CLSTN2: variants seen among roughly 807,000 people sequenced by gnomAD.
CLSTN2 encodes calsyntenin 2, also known as calsyntenin-2.
In CLSTN2, 48 loss-of-function variants were observed where a neutral mutation model predicts 101.2. The ratio of observed to expected loss-of-function variants is 0.47; its 90% CI spans 0.38 to 0.60. The LOEUF (loss-of-function observed/expected upper bound fraction) is 0.60, where lower values mean the gene tolerates loss of function less well. Ranked by LOEUF, CLSTN2 falls within the 20% of genes least tolerant of loss-of-function variation. The probability of loss-of-function intolerance (pLI) is 0.00; values close to 1 mark genes in which losing one functional copy is unlikely to be tolerated. For synonymous variants in CLSTN2, 481 were observed against 463.6 expected, an observed-to-expected ratio of 1.04 and a Z score of -0.48; for missense variants, 1,160 against 1,238.2, an observed-to-expected ratio of 0.94 and a Z score of 0.95.
chr3:140,546,323 G>A (rs149812390), intron 9 of CLSTN2, among the ~76,000 whole-genome samples, 192 bp from the exon 10 acceptor site: 2 of 152,206 alleles, frequency 1.3e-5, no homozygotes, highest in South Asian at 2.1e-4. Flanking sequence ...GTGCAGCCAG[G>A]GAATGCCAGG....
At chr3:140,378,364 G>T (rs2087942912) in intron 2 of CLSTN2, among the ~76,000 whole-genome samples, 1 of 152,192 alleles carries the variant, frequency 6.6e-6, no homozygotes, top group South Asian at 2.1e-4. Context: ...TAGAGTAAGG[G>T]AACTAATATC....
At chr3:140,173,346 T>C in intron 1 of CLSTN2, among the ~76,000 whole-genome samples, 1 of 152,206 alleles carries the variant, frequency 6.6e-6, no homozygotes, top group East Asian at 1.9e-4. Context: ...TAGGTTCCCA[T>C]GGTCTCGGGA....
At chr3:140,385,357 CTTTTTTTTTTTTTT>C (rs546696189) in intron 2 of CLSTN2, among the ~76,000 whole-genome samples, 4 of 72,838 alleles carry the variant, frequency 5.5e-5, no homozygotes, top group East Asian at 4.6e-4. Context: ...CCCTGATGTT[CTTTTTTTTTTTTTT>C]TTTTTTTTTT....
intron 8 of CLSTN2, among the ~76,000 whole-genome samples, chr3:140,482,945 A>T (rs1934152165): frequency 2.0e-5 from 3 of 151,806 alleles, no homozygotes; most frequent in South Asian, 4.2e-4. Flanking sequence ...TATTTCCTTC[A>T]GTTCTGCTCT....
intron 1 of CLSTN2, among the ~76,000 whole-genome samples, chr3:140,016,793 GAAAAA>G (rs56040791): frequency 1.1e-5 from 1 of 89,284 alleles, no homozygotes; most frequent in African/African-American, 4.6e-5. Flanking sequence ...GTGAGACTCT[GAAAAA>G]AAAAAAAAAA....
At chr3:140,133,381 G>A (rs906674002) in intron 1 of CLSTN2, among the ~76,000 whole-genome samples, 1 of 152,178 alleles carries the variant, frequency 6.6e-6, no homozygotes, top group Non-Finnish European at 1.5e-5. Flanking sequence ...AACCATATCA[G>A]CATCTCCTTA....
chr3:140,287,629 GT>G (rs900560134), intron 2 of CLSTN2, among the ~76,000 whole-genome samples: 119 of 152,048 alleles, frequency 7.8e-4, no homozygotes, highest in African/African-American at 2.7e-3. Flanking sequence ...AAAAAACATA[GT>G]TTTTTTTCCT....
chr3:140,527,261 G>C (rs1243538668), intron 8 of CLSTN2, among the ~76,000 whole-genome samples: 1 of 151,960 alleles, frequency 6.6e-6, no homozygotes, highest in Non-Finnish European at 1.5e-5. Flanking sequence ...TTAAAAATGG[G>C]CAAAGGATAT....
chr3:140,419,431 C>T (rs1229937169), intron 4 of CLSTN2, among the ~76,000 whole-genome samples: 1 of 135,128 alleles, frequency 7.4e-6, no homozygotes, highest in Non-Finnish European at 1.5e-5. Context: ...TGCAGGGAGC[C>T]GAGATCATGC....
intron 8 of CLSTN2, among the ~76,000 whole-genome samples, chr3:140,498,038 C>T (rs1416423556): frequency 6.6e-6 from 1 of 152,168 alleles, no homozygotes; most frequent in Non-Finnish European, 1.5e-5. Context: ...AATGCGAGAA[C>T]CTAGATATTT....
At chr3:140,083,062 A>T (rs2008625180) in intron 1 of CLSTN2, among the ~76,000 whole-genome samples, 1 of 152,160 alleles carries the variant, frequency 6.6e-6, no homozygotes, top group Non-Finnish European at 1.5e-5. Context: ...CTTAGCTGAC[A>T]TGTTACTTCC....
intron 5 of CLSTN2, among the ~76,000 whole-genome samples, chr3:140,426,947 G>T (rs1235893509): frequency 1.3e-5 from 2 of 151,970 alleles, no homozygotes; most frequent in Non-Finnish European, 2.9e-5. Flanking sequence ...GGCCGAGGCG[G>T]GTGGATCACT....
intron 2 of CLSTN2, among the ~76,000 whole-genome samples, chr3:140,237,610 T>C (rs1413315979): frequency 1.3e-5 from 2 of 152,210 alleles, no homozygotes; most frequent in African/African-American, 4.8e-5. Context: ...TACTCTCTCC[T>C]GGTACTGCAG....
chr3:139,958,490 G>A (rs1263591654), intron 1 of CLSTN2, among the ~76,000 whole-genome samples: 1 of 152,118 alleles, frequency 6.6e-6, no homozygotes, highest in African/African-American at 2.4e-5. Context: ...ATCCATTATA[G>A]AATTTGGTAG....
intron 1 of CLSTN2, among the ~76,000 whole-genome samples, chr3:140,048,737 C>T (rs918751471): frequency 2.2e-4 from 33 of 152,150 alleles, no homozygotes; most frequent in Admixed American, 2.0e-4. Flanking sequence ...TGTTAAAAGC[C>T]TCAGGGCAAG....
At chr3:140,482,811 C>T (rs1055085069) in intron 8 of CLSTN2, among the ~76,000 whole-genome samples, 11 of 152,014 alleles carry the variant, frequency 7.2e-5, no homozygotes, top group South Asian at 2.1e-4. Flanking sequence ...TTTTTCATTG[C>T]GTCTATTTGA....
chr3:140,021,200 C>G (rs1215798391), intron 1 of CLSTN2, among the ~76,000 whole-genome samples: 3 of 152,154 alleles, frequency 2.0e-5, no homozygotes, highest in African/African-American at 7.2e-5. Context: ...CCCCATCCTC[C>G]TAAGTGCCGT....
At chr3:139,952,847 C>T (rs1023795499) in intron 1 of CLSTN2, among the ~76,000 whole-genome samples, 3 of 152,094 alleles carry the variant, frequency 2.0e-5, no homozygotes, top group African/African-American at 7.2e-5. Flanking sequence ...CTCAGGGAGC[C>T]CCAGGATGCA....
Position 140,204,146 on chromosome 3 carries a change from A to T in CLSTN2, c.232+28073A>T, listed in dbSNP as rs140388604. On this transcript the variant is annotated intron_variant, in intron 2 of 16. Coordinates refer to ENST00000458420, the MANE Select transcript of CLSTN2 (RefSeq NM_022131.3). ...TTGAATAAATCATTTAACTTTTCAA[A>T]TCTTTAATTTCTCTTTCTGGAAGAT... 4.3e-4 allele frequency among the ~76,000 whole-genome samples: 66 copies of T among 152,332 alleles called. No homozygotes were observed. The East Asian group carries it at 0.011, about 25-fold the overall frequency.
Sources: gnomAD v4.1 joint callset for allele counts (sites outside exome capture counted in the v4.1 genomes callset) on GRCh38, gnomAD v4.1.1 for gene constraint, MANE v1.5 for transcripts, NCBI Gene and HGNC (gene_info 2026-07-23, HGNC 2026-07-21) for gene names.